GRAMD4: variants seen among roughly 807,000 people sequenced by gnomAD.
GRAMD4 encodes GRAM domain-containing protein 4.
A neutral mutation model predicts 83.9 loss-of-function variants in GRAMD4; 25 were observed. The observed-to-expected ratio is 0.30, with a 90% CI of 0.22 to 0.42. The LOEUF (loss-of-function observed/expected upper bound fraction) is 0.42. GRAMD4 is among the 10% of genes least tolerant of loss of function. The pLI, the probability that GRAMD4 is intolerant of heterozygous loss-of-function variation, is 1.00. For synonymous variants in GRAMD4, 336 were observed against 320.9 expected, an observed-to-expected ratio of 1.05 and a Z score of -0.50; for missense variants, 593 against 788.7, an observed-to-expected ratio of 0.75 and a Z score of 2.97.
chr22:46,594,214 C>T (rs892406584), intron 1 of GRAMD4, among the ~76,000 whole-genome samples: 12 of 151,940 alleles, frequency 7.9e-5, no homozygotes, highest in Non-Finnish European at 1.3e-4. Context: ...CCTGTGCTCT[C>T]CCTTCCCCAC....
At chr22:46,644,716 T>A (rs1179260022) in intron 3 of GRAMD4, among the ~76,000 whole-genome samples, 57 of 84,518 alleles carry the variant, frequency 6.7e-4, no homozygotes, top group East Asian at 2.6e-3. Flanking sequence ...TTTTTTTTTT[T>A]TTTTTTTTTT....
rs1479225921 is a variant in GRAMD4, at chr22:46,621,409, T to C, written c.-50+844T>C. Reference sequence around the variant, plus strand: ...ACCCTGGTGTACAGTGGAGCACTCTTCAGTGCAGTGCGGGGGCTGCCCATG... The same window carrying C: ...ACCCTGGTGTACAGTGGAGCACTCTCCAGTGCAGTGCGGGGGCTGCCCATG... On this transcript the variant is annotated intron_variant, in intron 1 of 18. Transcript: ENST00000406902. This position sits in a 1 kb window ranked among gnomAD's most constrained non-coding sequence, Gnocchi z 5.8. 1.3e-5 allele frequency among the ~76,000 whole-genome samples: 2 copies of C among 152,204 alleles called. No individual in the cohort carries two copies. Among genetic ancestry groups the C allele is most frequent in the East Asian group, 1.9e-4 (1 of 5,196 alleles).
chr22:46,647,962 T>C (rs1018660012), intron 3 of GRAMD4, among the ~76,000 whole-genome samples: 2 of 152,222 alleles, frequency 1.3e-5, no homozygotes, highest in Admixed American at 1.3e-4. Context: ...TGGAGTCATA[T>C]GGGAGGGAGT....
At chr22:46,637,070 T>C (rs1431951732) in intron 2 of GRAMD4, among the ~76,000 whole-genome samples, 1 of 152,060 alleles carries the variant, frequency 6.6e-6, no homozygotes, top group East Asian at 1.9e-4. Context: ...CGGGGGCCAG[T>C]CTCTCCGATC....
intron 3 of GRAMD4, among the ~76,000 whole-genome samples, chr22:46,654,322 G>T (rs866125806): frequency 1.3e-5 from 2 of 152,182 alleles, no homozygotes; most frequent in East Asian, 3.9e-4. Context: ...GGGCCAGCCC[G>T]GGCTCACGCA....
chr22:46,649,127 G>A lies in GRAMD4; in HGVS notation c.284-9060G>A, dbSNP rs143239386. ...TGTCTGGTGTTTGGTCCCAGATGCA[G>A]TTTTATCTGTGCCACCTTTGCTTCC... On this transcript the variant is annotated intron_variant, in intron 3 of 18. Coordinates refer to ENST00000406902, the MANE Select transcript of GRAMD4 (RefSeq NM_015124.5). 7.6e-4 allele frequency among the ~76,000 whole-genome samples: 116 copies of A among 152,334 alleles called. 1 individual carries two copies. The highest frequency in any genetic ancestry group is 2.4e-3 in the African/African-American group (99 of 41,574).
chr22:46,634,616 G>C (rs1257600317), intron 2 of GRAMD4, among the ~76,000 whole-genome samples: 1 of 152,148 alleles, frequency 6.6e-6, no homozygotes, highest in African/African-American at 2.4e-5. Flanking sequence ...GTAGTGCGTG[G>C]CCACAGTTTC....
Position 46,621,278 on chromosome 22 carries a change from G to A in GRAMD4, c.-50+713G>A, listed in dbSNP as rs765437563. On this transcript the variant is annotated intron_variant, in intron 1 of 18. Transcript: ENST00000406902. This position sits in a 1 kb window ranked among gnomAD's most constrained non-coding sequence, Gnocchi z 5.8. ...TGGTTCCTGCATCTGTAAGTTGGGC[G>A]TGTGCTGGGTAATAGTGTCCTCCCC... Among the ~76,000 whole-genome samples the A allele has an allele frequency of 3.9e-5, 6 of 152,158 alleles. No individual in the cohort carries two copies. The highest frequency in any genetic ancestry group is 2.0e-4 in the Admixed American group (3 of 15,290).
upstream of GRAMD4, among the ~76,000 whole-genome samples, chr22:46,615,642 C>T (rs2081474500): frequency 8.6e-6 from 1 of 115,636 alleles, no homozygotes; most frequent in African/African-American, 3.4e-5. Context: ...GTGTAGGTTC[C>T]CCTGTGCGTG....
intron 3 of GRAMD4, among the ~76,000 whole-genome samples, chr22:46,641,000 C>G (rs2081967675): frequency 6.6e-6 from 1 of 152,224 alleles, no homozygotes; most frequent in African/African-American, 2.4e-5. Context: ...AACTTAAGCT[C>G]AAATTTCCCT....
chr22:46,680,739 C>T (rs1344809806), downstream of GRAMD4, among the ~76,000 whole-genome samples: 4 of 135,158 alleles, frequency 3.0e-5, no homozygotes, highest in South Asian at 2.3e-4. Context: ...TCCATCCACC[C>T]ACCCATCCAT....
At position 46,663,833 on chromosome 22, in the gene GRAMD4, C is replaced by T; in HGVS notation, c.600-5C>T. On this transcript the variant is annotated splice_region_variant and splice_polypyrimidine_tract_variant and intron_variant, in intron 6 of 18. Coordinates refer to ENST00000406902, the MANE Select transcript of GRAMD4 (RefSeq NM_015124.5). ...TGGGCTCCCATCTCTCCCCTTCTCT[C>T]TTAGGTTAACTGAAAATATGAGACG... 6.2e-7 allele frequency: 1 copy of T among 1,613,340 alleles called. No individual in the cohort carries two copies. The highest frequency in any genetic ancestry group is 8.5e-7 in the Non-Finnish European group (1 of 1,179,926).
At chr22:46,662,041 A>G (rs1424988493) in intron 5 of GRAMD4, among the ~76,000 whole-genome samples, 2 of 152,244 alleles carry the variant, frequency 1.3e-5, no homozygotes, top group Non-Finnish European at 2.9e-5. Flanking sequence ...ATGAGAACGT[A>G]ATATAAACCT....
At position 46,674,757 on chromosome 22, in the gene GRAMD4, G is replaced by A. The variant is rs771951670; in HGVS notation, c.1478+7G>A. 2 of 1,588,256 alleles carry A rather than the reference G, an allele frequency of 1.3e-6. No homozygotes were observed. Among genetic ancestry groups the A allele is most frequent in the South Asian group, 2.2e-5 (2 of 90,564 alleles). ...TGCTCTACGTCACGGAGAAGTGAGT[G>A]CAGCCGTGGGGCCCTGTGTGGCTGC... is the stretch of plus-strand genomic sequence containing the variant. On this transcript the variant is annotated splice_region_variant and intron_variant, in intron 16 of 18. Transcript: ENST00000406902.
intron 4 of GRAMD4, among the ~76,000 whole-genome samples, chr22:46,658,761 C>T (rs951340289): frequency 2.0e-5 from 3 of 152,068 alleles, no homozygotes; most frequent in Admixed American, 6.5e-5. Flanking sequence ...GCTGCCTGTG[C>T]GTGTTCCCAT....
rs200756688 is a variant in GRAMD4 at position 46,663,006 on chromosome 22, T to G, written c.467-34T>G. On this transcript the variant is annotated intron_variant, in intron 5 of 18. Transcript: ENST00000406902. ...GACCCCAGAACAGGCAGTGCAGCCC[T>G]GCCGTGCCCTCACCGGGTCCCTGCC... The G allele has an allele frequency of 1.1e-5, 17 of 1,569,912 alleles. No individual in the cohort carries two copies. In the African/African-American group the frequency reaches 2.0e-4, roughly 19 times the overall value.
rs1282915359 is a variant in GRAMD4 at position 46,663,857 on chromosome 22, C to T, written c.619C>T (p.Arg207Trp). ...SARRLTENMR[R>W]LKRGAKPVTN... The stretch of plus-strand genomic sequence containing the variant: ...TCTTAGGTTAACTGAAAATATGAGA[C>T]GGCTCAGTGAGTACCAGCGGCTCTG... The change falls in exon 7 of 19, where the codon CGG (arginine) becomes TGG (tryptophan). Residue 207 changes from arginine (R) to tryptophan (W), a missense_variant. Physicochemically the swap from Arg to Trp is moderately radical, Grantham distance 101. Coordinates refer to ENST00000406902, the MANE Select transcript of GRAMD4 (RefSeq NM_015124.5). 3 of 1,613,382 alleles carry T rather than the reference C, an allele frequency of 1.9e-6. No homozygotes were observed. Among genetic ancestry groups the T allele is most frequent in the South Asian group, 1.1e-5 (1 of 91,088 alleles).
chr22:46,597,556 C>A (rs183281742), intron 1 of GRAMD4, among the ~76,000 whole-genome samples: 3,134 of 152,262 alleles, frequency 0.021, 121 homozygotes, highest in African/African-American at 0.072. Context: ...GTGGCGCGAT[C>A]CCGGCTCACT....
chr22:46,657,213 T>A (rs1683649538), intron 3 of GRAMD4, among the ~76,000 whole-genome samples: 1 of 152,222 alleles, frequency 6.6e-6, no homozygotes, highest in Admixed American at 6.5e-5. Flanking sequence ...CCCAGGCCTC[T>A]GAGAAGGACC....
Sources: allele counts gnomAD v4.1 joint callset (sites outside exome capture counted in the v4.1 genomes callset), GRCh38; gene constraint gnomAD v4.1.1; non-coding constraint Gnocchi (gnomAD v3.1); transcripts MANE v1.5; gene names NCBI Gene and HGNC (gene_info 2026-07-23, HGNC 2026-07-21).